The following CUX2 variants were observed in gnomAD, a reference collection of about 807,000 sequenced individuals.
The protein encoded by CUX2 is cut like homeobox 2, also known as homeobox protein cut-like 2.
Under a neutral mutation model 144.8 loss-of-function variants are expected in CUX2, and 40 were observed. The observed-to-expected ratio is 0.28, with a 90% CI of 0.21 to 0.36. CUX2 has a LOEUF of 0.36. Ranked by LOEUF, CUX2 falls within the 10% of genes least tolerant of loss-of-function variation. The pLI, the probability that CUX2 is intolerant of heterozygous loss-of-function variation, is 1.00. For missense variants in CUX2, 1,615 were observed against 1,994.0 expected (o/e 0.81, Z 3.62); for synonymous variants, 827 against 875.6 (o/e 0.94, Z 0.98).
chr12:111,328,619 T>TGTGTGA (rs757660183), intron 18 of CUX2, among the ~76,000 whole-genome samples: 27 of 148,618 alleles, frequency 1.8e-4, no homozygotes, highest in African/African-American at 6.0e-4. Context: ...TGTGTGTGTG[T>TGTGTGA]GACAGAGTCT....
At chr12:111,329,345 C>A (rs1030889987) in intron 18 of CUX2, among the ~76,000 whole-genome samples, 3 of 151,818 alleles carry the variant, frequency 2.0e-5, no homozygotes, top group African/African-American at 7.3e-5. Flanking sequence ...CCAAATAACC[C>A]AGTTGTTCAC....
Position 111,298,564 on chromosome 12 carries a change from T to C in CUX2, c.728T>C (p.Met243Thr). 1.3e-6 allele frequency: 2 copies of C among 1,579,998 alleles called. No individual in the cohort carries two copies. Among genetic ancestry groups the C allele is most frequent in the Non-Finnish European group, 1.7e-6 (2 of 1,162,072 alleles). The change falls in exon 9 of 22, where the codon ATG (methionine) becomes ACG (threonine). Residue 243 changes from methionine to threonine, a missense_variant. By Grantham distance (81) the Met-to-Thr change is moderately conservative. This residue lies in a region of CUX2 where 295 missense variants were observed against 400.2 expected (regional missense o/e 0.74). Coordinates refer to ENST00000261726, the MANE Select transcript of CUX2 (RefSeq NM_015267.4). The part of the protein sequence containing the change: ...ASKADEVGLI[M>T]TNLEKANQRA... ...AGGGCAGATGAAGTCGGCCTGATCA[T>C]GACCAACCTGGAGAAAGCTAATCAG...
At position 111,034,750 on chromosome 12, in the gene CUX2, G is replaced by A. The variant is rs1271794693; in HGVS notation, c.63+510G>A. Among the ~76,000 whole-genome samples, 2 of 150,868 alleles carry A rather than the reference G, an allele frequency of 1.3e-5. No individual in the cohort carries two copies. The highest frequency in any genetic ancestry group is 3.0e-5 in the Non-Finnish European group (2 of 67,342). ...GGAGAGGAGGAGGAGGAGGAGAGAG[G>A]AGGAGGGAGCCGGGGTTGGCGAGGA... On this transcript the variant is annotated intron_variant, in intron 1 of 21. Coordinates refer to ENST00000261726, the MANE Select transcript of CUX2 (RefSeq NM_015267.4). This position sits in a 1 kb window ranked among gnomAD's most constrained non-coding sequence, Gnocchi z 4.2.
chr12:111,124,061 G>C (rs1874880874), intron 1 of CUX2, among the ~76,000 whole-genome samples: 1 of 152,120 alleles, frequency 6.6e-6, no homozygotes, highest in South Asian at 2.1e-4. Flanking sequence ...TACATTCATA[G>C]TGTTGTGCCA....
At chr12:111,102,725 T>G (rs1873333495) in intron 1 of CUX2, among the ~76,000 whole-genome samples, 1 of 152,182 alleles carries the variant, frequency 6.6e-6, no homozygotes, top group Admixed American at 6.5e-5. Flanking sequence ...AAGTTCTAGT[T>G]CTTCCAGTTG....
At chr12:111,226,545 C>T (rs956856619) in intron 3 of CUX2, among the ~76,000 whole-genome samples, 8 of 152,110 alleles carry the variant, frequency 5.3e-5, no homozygotes, top group Admixed American at 2.6e-4. Flanking sequence ...TAGTTATTTG[C>T]AGTTGTTCCG....
At chr12:111,236,418 T>A (rs1298512105) in intron 3 of CUX2, among the ~76,000 whole-genome samples, 1 of 152,198 alleles carries the variant, frequency 6.6e-6, no homozygotes, top group Non-Finnish European at 1.5e-5. Context: ...GTTATTATTA[T>A]GCCTGTTGTA....
At chr12:111,175,869 A>G (rs1253911590) in intron 1 of CUX2, among the ~76,000 whole-genome samples, 1 of 151,668 alleles carries the variant, frequency 6.6e-6, no homozygotes, top group Non-Finnish European at 1.5e-5. Flanking sequence ...TGTCTTTAAC[A>G]TGAGAGACGG....
intron 18 of CUX2, among the ~76,000 whole-genome samples, chr12:111,327,298 C>T (rs1432246119): frequency 1.3e-5 from 2 of 152,134 alleles, no homozygotes; most frequent in Non-Finnish European, 2.9e-5. Flanking sequence ...TATGGATAGA[C>T]CCCATTTTGA....
At chr12:111,134,620 C>CTCTCTCTCTCTGTGTGTGTGTG (rs1026548098) in intron 1 of CUX2, among the ~76,000 whole-genome samples, 3 of 142,130 alleles carry the variant, frequency 2.1e-5, no homozygotes, top group African/African-American at 8.3e-5. Flanking sequence ...CTCTCTCTCT[C>CTCTCTCTCTCTGTGTGTGTGTG]TGTGTGTGTG....
intron 1 of CUX2, among the ~76,000 whole-genome samples, chr12:111,128,820 A>G (rs1875255621): frequency 6.6e-6 from 1 of 152,230 alleles, no homozygotes. Flanking sequence ...CTTATCTGCC[A>G]CTGACACCTC....
In CUX2 at chr12:111,061,257, C is replaced by T. The variant is rs905341369; in HGVS notation, c.63+27017C>T. 3.3e-5 allele frequency among the ~76,000 whole-genome samples: 5 copies of T among 151,700 alleles called. No homozygotes were observed. The highest frequency in any genetic ancestry group is 2.9e-5 in the Non-Finnish European group (2 of 67,968). On this transcript the variant is annotated intron_variant, in intron 1 of 21. Transcript: ENST00000261726. The surrounding 1 kb of genome is among the most constrained non-coding windows in gnomAD (Gnocchi z 4.2). ...GGCTTTCTGAGCTACAACCCAGGAC[C>T]CATGCACACCACAGTCCATGGCATC... is the stretch of plus-strand genomic sequence containing the variant.
intron 1 of CUX2, among the ~76,000 whole-genome samples, chr12:111,123,284 G>A (rs548862144): frequency 6.6e-6 from 1 of 152,348 alleles, no homozygotes. Context: ...CCAGGCTCAA[G>A]TGATTTTCGT....
At chr12:111,097,395 C>T (rs552408213) in intron 1 of CUX2, among the ~76,000 whole-genome samples, 6 of 152,188 alleles carry the variant, frequency 3.9e-5, no homozygotes, top group Non-Finnish European at 8.8e-5. Flanking sequence ...CCCAAGCCCT[C>T]CATCTCCAGA....
At chr12:111,153,207 T>A (rs1427752271) in intron 1 of CUX2, among the ~76,000 whole-genome samples, 2 of 152,234 alleles carry the variant, frequency 1.3e-5, no homozygotes, top group Non-Finnish European at 2.9e-5. Flanking sequence ...GCTGAATGCG[T>A]GGCATTCTTC....
In CUX2 at chr12:111,304,073, C is replaced by T; in HGVS notation, c.754-137C>T. The T allele has an allele frequency of 1.1e-5, 7 of 642,458 alleles. No homozygotes were observed. The highest frequency in any genetic ancestry group is 1.9e-5 in the Non-Finnish European group (7 of 362,038). The allele number at this position is 642,458 out of a possible 1,614,324, so 39.8% of individuals were successfully genotyped here. A position where few individuals can be genotyped will look rare whatever the true frequency, so the allele number is the denominator to read the frequency against. Reference sequence around the variant, plus strand: ...GTGACTGGTCTTCATAGCTCCAGGACAGGGTCCGGGACTAGGAAGGCAGGA... The same window carrying T: ...GTGACTGGTCTTCATAGCTCCAGGATAGGGTCCGGGACTAGGAAGGCAGGA... On this transcript the variant is annotated intron_variant, in intron 9 of 21. Coordinates refer to ENST00000261726, the MANE Select transcript of CUX2 (RefSeq NM_015267.4). The surrounding 1 kb of genome is among the most constrained non-coding windows in gnomAD (Gnocchi z 4.7).
intron 2 of CUX2, 50 bp downstream of exon 2, chr12:111,214,360 C>A: frequency 9.2e-7 from 1 of 1,091,112 alleles, no homozygotes; most frequent in East Asian, 2.4e-5. Context: ...ATGCAGATTT[C>A]TCTCCATTCA....
intron 1 of CUX2, among the ~76,000 whole-genome samples, chr12:111,175,799 G>T (rs1212811703): frequency 6.6e-6 from 1 of 151,338 alleles, no homozygotes; most frequent in African/African-American, 2.4e-5. Flanking sequence ...CGGTTGCAAT[G>T]TTTTTGTTTA....
intron 3 of CUX2, among the ~76,000 whole-genome samples, chr12:111,231,553 G>A (rs1882462220): frequency 6.6e-6 from 1 of 152,208 alleles, no homozygotes; most frequent in South Asian, 2.1e-4. Context: ...GCAATTGCAT[G>A]CTTTAGGTCA....
Sources: allele counts gnomAD v4.1 joint callset (sites outside exome capture counted in the v4.1 genomes callset), GRCh38; gene constraint gnomAD v4.1.1; regional missense constraint gnomAD v4.1.1; non-coding constraint Gnocchi (gnomAD v3.1); transcripts MANE v1.5; gene names NCBI Gene and HGNC (gene_info 2026-07-23, HGNC 2026-07-21).